The following XKR4 variants were observed in gnomAD, a reference collection of about 807,000 sequenced individuals.
The protein encoded by XKR4 is XK related 4.
In XKR4, 12 loss-of-function variants were observed where a neutral mutation model predicts 53.9. That is an observed-to-expected ratio of 0.22 (90% confidence interval 0.14 to 0.36). XKR4 has a LOEUF of 0.36. Ranked by LOEUF, XKR4 falls within the 10% of genes least tolerant of loss-of-function variation. XKR4 has a pLI of 1.00. For synonymous variants in XKR4, 354 were observed against 362.4 expected (o/e 0.98, Z 0.26); for missense variants, 799 against 859.5 (o/e 0.93, Z 0.88).
intron 1 of XKR4, among the ~76,000 whole-genome samples, chr8:55,280,340 G>C (rs913517342): frequency 6.6e-6 from 1 of 152,106 alleles, no homozygotes; most frequent in South Asian, 2.1e-4. Flanking sequence ...TTCAGTAAAT[G>C]TGCAAATGGG....
intron 2 of XKR4, chr8:55,455,186 G>A (rs1805546308): frequency 1.4e-5 from 7 of 489,656 alleles, no homozygotes; most frequent in South Asian, 1.3e-4. Flanking sequence ...CTCGAGGGCT[G>A]CGCGCTCATG....
chr8:55,245,259 C>T (rs559722796), intron 1 of XKR4, among the ~76,000 whole-genome samples: 7 of 151,980 alleles, frequency 4.6e-5, no homozygotes, highest in Non-Finnish European at 8.8e-5. Context: ...GGTTTAAGTT[C>T]CTCATAGATT....
rs1314283096 is a variant in XKR4, at chr8:55,449,796, T to C, written c.1007-73485T>C. The C allele has an allele frequency of 1.4e-5, 17 of 1,201,696 alleles. 1 individual carries two copies. In the East Asian group the frequency reaches 4.0e-4, roughly 28 times the overall value. 74.4% of individuals were successfully genotyped at this position (1,201,696 alleles called of 1,614,324 possible). ...AACCAGCGGGCCTTCCAGGGCTTCA[T>C]GAAGGCCCCCTTCTTGTACAGAGTG... On this transcript the variant is annotated intron_variant, in intron 2 of 2. Coordinates refer to ENST00000327381, the MANE Select transcript of XKR4 (RefSeq NM_052898.2).
intron 1 of XKR4, among the ~76,000 whole-genome samples, chr8:55,265,312 A>T (rs1335855886): frequency 6.6e-6 from 1 of 152,222 alleles, no homozygotes; most frequent in Non-Finnish European, 1.5e-5. Flanking sequence ...TGCATTTGAC[A>T]CATGTCTGTT....
At chr8:55,173,733 A>G (rs1585919550) in intron 1 of XKR4, among the ~76,000 whole-genome samples, 1 of 152,208 alleles carries the variant, frequency 6.6e-6, no homozygotes, top group Non-Finnish European at 1.5e-5. Flanking sequence ...AGTACCACCA[A>G]TTAAGAATGC....
chr8:55,324,308 C>A (rs532298862), intron 1 of XKR4, among the ~76,000 whole-genome samples: 1 of 152,164 alleles, frequency 6.6e-6, no homozygotes, highest in Admixed American at 6.5e-5. Context: ...ATTGTCCAGA[C>A]TGGTCTCAAA....
intron 1 of XKR4, among the ~76,000 whole-genome samples, chr8:55,300,340 G>A (rs1046531151): frequency 2.0e-5 from 3 of 152,120 alleles, no homozygotes; most frequent in African/African-American, 7.2e-5. Flanking sequence ...GAAAATGAAG[G>A]CATTATAAAC....
chr8:55,266,813 GAGTTTGTCTA>G (rs1818608456), intron 1 of XKR4, among the ~76,000 whole-genome samples: 1 of 152,266 alleles, frequency 6.6e-6, no homozygotes, highest in African/African-American at 2.4e-5. Context: ...CCCCTCCTCT[GAGTTTGTCTA>G]ATAGAAAGCA....
chr8:55,225,162 G>A (rs1195758697), intron 1 of XKR4, among the ~76,000 whole-genome samples: 1 of 152,164 alleles, frequency 6.6e-6, no homozygotes, highest in Non-Finnish European at 1.5e-5. Context: ...GTATGACTAT[G>A]CATAATCCCG....
chr8:55,303,944 A>G (rs1209584537), intron 1 of XKR4, among the ~76,000 whole-genome samples: 1 of 151,970 alleles, frequency 6.6e-6, no homozygotes, highest in Non-Finnish European at 1.5e-5. Flanking sequence ...TTTTCAAAAA[A>G]CCAGCTCCTG....
At chr8:55,211,821 T>C (rs1175135620) in intron 1 of XKR4, among the ~76,000 whole-genome samples, 8 of 152,254 alleles carry the variant, frequency 5.3e-5, no homozygotes, top group African/African-American at 1.9e-4. Context: ...AAGAGATTTA[T>C]TCTCAAGCAA....
chr8:55,484,716 T>G (rs1475347417), intron 2 of XKR4, among the ~76,000 whole-genome samples: 1 of 152,244 alleles, frequency 6.6e-6, no homozygotes, highest in Non-Finnish European at 1.5e-5. Flanking sequence ...TAAAGAAGGC[T>G]GTCCTCCCCA....
chr8:55,108,341 T>C (rs1816183822), intron 1 of XKR4, among the ~76,000 whole-genome samples: 1 of 152,068 alleles, frequency 6.6e-6, no homozygotes, highest in Non-Finnish European at 1.5e-5. Context: ...GAAGGAGTCA[T>C]GAAGGATTAT....
chr8:55,316,352 C>T (rs564398822), intron 1 of XKR4, among the ~76,000 whole-genome samples: 7 of 152,178 alleles, frequency 4.6e-5, no homozygotes, highest in Non-Finnish European at 1.0e-4. Context: ...CCATCCCACT[C>T]TCCTCATTCA....
At chr8:55,293,168 CTA>C (rs1355232518) in intron 1 of XKR4, among the ~76,000 whole-genome samples, 1 of 152,098 alleles carries the variant, frequency 6.6e-6, no homozygotes, top group Admixed American at 6.6e-5. Context: ...AACACCATCT[CTA>C]CTAAAAATAC....
In XKR4 at chr8:55,452,191, C is replaced by T. The variant is rs527274798; in HGVS notation, c.1007-71090C>T. ...AAGAGCTCGGCACTGTCAGACCCCA[C>T]CTCCTCATCAAAGGCCATTTTCAGC... is the stretch of plus-strand genomic sequence containing the variant. On this transcript the variant is annotated intron_variant, in intron 2 of 2. Transcript: ENST00000327381. The T allele has an allele frequency of 5.6e-6, 4 of 716,362 alleles. No individual in the cohort carries two copies. In the East Asian group the frequency reaches 1.1e-4, roughly 20 times the overall value. The allele number at this position is 716,362 out of a possible 1,614,324, so 44.4% of individuals were successfully genotyped here.
chr8:55,419,867 T>G (rs1804898940), intron 2 of XKR4, among the ~76,000 whole-genome samples: 1 of 152,234 alleles, frequency 6.6e-6, no homozygotes. Context: ...TTACTCTCTA[T>G]TTTTCATTAG....
chr8:55,472,454 T>G (rs928538395), intron 2 of XKR4, among the ~76,000 whole-genome samples: 1 of 152,148 alleles, frequency 6.6e-6, no homozygotes, highest in African/African-American at 2.4e-5. Flanking sequence ...ATTATTAGTA[T>G]GTATAACTTG....
chr8:55,397,388 T>G (rs1804536775), intron 2 of XKR4, among the ~76,000 whole-genome samples: 1 of 152,192 alleles, frequency 6.6e-6, no homozygotes, highest in Admixed American at 6.5e-5. Flanking sequence ...ATTCAAAAGA[T>G]TGCCAGCTCC....
Sources: gnomAD v4.1 joint callset for allele counts (sites outside exome capture counted in the v4.1 genomes callset) on GRCh38, gnomAD v4.1.1 for gene constraint, MANE v1.5 for transcripts, NCBI Gene and HGNC (gene_info 2026-07-23, HGNC 2026-07-21) for gene names.